Variants in SGCZ observed in about 807,000 individuals in gnomAD.
SGCZ encodes zeta-sarcoglycan.
In SGCZ, 40 loss-of-function variants were observed where a neutral mutation model predicts 41.3. That is an observed-to-expected ratio of 0.97 (90% CI 0.75 to 1.26). The LOEUF (loss-of-function observed/expected upper bound fraction) is 1.26. Ranked by LOEUF, SGCZ falls within the 50% of genes most tolerant of loss-of-function variation. The pLI is 0.00. For missense variants in SGCZ, 552 were observed against 369.8 expected (o/e 1.49, Z -4.04); for synonymous variants, 206 against 137.5 (o/e 1.50, Z -3.49).
intron 2 of SGCZ, among the ~76,000 whole-genome samples, chr8:14,513,404 T>C (rs1027955414): frequency 3.4e-4 from 51 of 149,996 alleles, no homozygotes; most frequent in Non-Finnish European, 1.0e-4. Flanking sequence ...AGAAAAATTG[T>C]TTTCAAAGAC....
intron 3 of SGCZ, among the ~76,000 whole-genome samples, chr8:14,288,397 C>T (rs544383939): frequency 1.1e-4 from 16 of 152,130 alleles, no homozygotes; most frequent in African/African-American, 3.6e-4. Flanking sequence ...TTCAGCATTC[C>T]AAAAGGATAT....
chr8:14,238,753 G>C (rs1422833009), intron 3 of SGCZ, among the ~76,000 whole-genome samples: 1 of 151,720 alleles, frequency 6.6e-6, no homozygotes, highest in Admixed American at 6.6e-5. Flanking sequence ...TTCTGGGGGG[G>C]GACATTTCGG....
At chr8:14,200,163 C>T (rs539026963) in intron 4 of SGCZ, among the ~76,000 whole-genome samples, 1 of 152,102 alleles carries the variant, frequency 6.6e-6, no homozygotes, top group African/African-American at 2.4e-5. Flanking sequence ...TAAATACATA[C>T]AAATTCTGTA....
chr8:14,739,749 G>A (rs924126298), intron 1 of SGCZ, among the ~76,000 whole-genome samples: 13 of 151,928 alleles, frequency 8.6e-5, no homozygotes, highest in Admixed American at 5.9e-4. Context: ...GAGTCACAAC[G>A]TTAAAAGGAA....
chr8:14,532,789 T>C (rs556808040), intron 2 of SGCZ, among the ~76,000 whole-genome samples: 47 of 151,608 alleles, frequency 3.1e-4, no homozygotes, highest in African/African-American at 9.4e-4. Flanking sequence ...TCACTTAAAT[T>C]GACTACAAAA....
chr8:15,022,219 G>A (rs925931640), intron 1 of SGCZ, among the ~76,000 whole-genome samples: 4 of 152,118 alleles, frequency 2.6e-5, no homozygotes, highest in African/African-American at 9.7e-5. Context: ...AAAAACACAT[G>A]TAATAAAAAA....
chr8:14,888,482 G>A (rs372420035), intron 1 of SGCZ, among the ~76,000 whole-genome samples: 1 of 152,048 alleles, frequency 6.6e-6, no homozygotes, highest in Admixed American at 6.5e-5. Flanking sequence ...AAAGAATATA[G>A]AAAGAAAGTA....
At chr8:14,284,390 T>C (rs2116926603) in intron 3 of SGCZ, among the ~76,000 whole-genome samples, 1 of 152,360 alleles carries the variant, frequency 6.6e-6, no homozygotes, top group Middle Eastern at 3.4e-3. Flanking sequence ...AGACATTATC[T>C]CACACAAACA....
chr8:14,461,209 T>C (rs1014667102), intron 2 of SGCZ, among the ~76,000 whole-genome samples: 1 of 152,096 alleles, frequency 6.6e-6, no homozygotes, highest in African/African-American at 2.4e-5. Context: ...CTTCCCTCAA[T>C]AGTGATAACT....
chr8:14,150,534 G>A (rs1447002933), intron 5 of SGCZ, among the ~76,000 whole-genome samples: 1 of 152,084 alleles, frequency 6.6e-6, no homozygotes, highest in Admixed American at 6.6e-5. Flanking sequence ...ATGCTGGTGA[G>A]GATGCAGAGA....
intron 5 of SGCZ, among the ~76,000 whole-genome samples, chr8:14,121,542 T>C (rs1802696308): frequency 6.6e-6 from 1 of 152,196 alleles, no homozygotes; most frequent in Admixed American, 6.5e-5. Flanking sequence ...TTTTTTGGTA[T>C]TGCCGTTATT....
chr8:14,739,673 G>T (rs1382472171), intron 1 of SGCZ, among the ~76,000 whole-genome samples: 1 of 151,924 alleles, frequency 6.6e-6, no homozygotes, highest in East Asian at 1.9e-4. Context: ...CAGCCATGAG[G>T]TAATAAGTAA....
intron 3 of SGCZ, among the ~76,000 whole-genome samples, chr8:14,292,550 G>A (rs1017569215): frequency 3.3e-5 from 5 of 152,038 alleles, no homozygotes; most frequent in African/African-American, 4.8e-5. Flanking sequence ...TGCTGTTGAC[G>A]ATGGAAAAGG....
At chr8:14,210,654 ACGGGGTTTCATC>A (rs1805774053) in intron 4 of SGCZ, among the ~76,000 whole-genome samples, 1 of 151,290 alleles carries the variant, frequency 6.6e-6, no homozygotes, top group African/African-American at 2.4e-5. Context: ...TTTAGTAGAG[ACGGGGTTTCATC>A]ATGTTGGCCA....
At chr8:14,445,729 G>A (rs1404230989) in intron 2 of SGCZ, among the ~76,000 whole-genome samples, 2 of 152,122 alleles carry the variant, frequency 1.3e-5, no homozygotes, top group Non-Finnish European at 2.9e-5. Context: ...ACTGGCAGAG[G>A]GCAGCCTCCC....
intron 1 of SGCZ, among the ~76,000 whole-genome samples, chr8:15,157,320 C>G (rs1471516292): frequency 3.9e-5 from 6 of 151,936 alleles, no homozygotes; most frequent in Non-Finnish European, 7.4e-5. Flanking sequence ...AACACTTGAC[C>G]CCAGGAGCCC....
chr8:14,217,675 G>C lies in SGCZ; in HGVS notation c.424+19917C>G, dbSNP rs556447709. ...TTGAGACAGAGTCTCTGTCACCCAG[G>C]CTGGAGTGCAGCGGTGTGATCTCGG... is the stretch of plus-strand genomic sequence containing the variant. On this transcript the variant is annotated intron_variant, in intron 4 of 7. Transcript: ENST00000382080. Among the ~76,000 whole-genome samples, 135 of 135,656 alleles carry C rather than the reference G, an allele frequency of 1.0e-3. 1 individual carries two copies. Among genetic ancestry groups the C allele is most frequent in the African/African-American group, 3.5e-3 (131 of 37,184 alleles). 89.0% of individuals were successfully genotyped at this position (135,656 alleles called of 152,430 possible).
intron 1 of SGCZ, among the ~76,000 whole-genome samples, chr8:14,931,640 C>A (rs997966334): frequency 1.3e-5 from 2 of 151,888 alleles, no homozygotes; most frequent in African/African-American, 4.8e-5. Context: ...AGATATTATA[C>A]TGAAAAGATT....
At chr8:14,779,194 T>C (rs1005439920) in intron 1 of SGCZ, among the ~76,000 whole-genome samples, 2 of 152,222 alleles carry the variant, frequency 1.3e-5, no homozygotes, top group African/African-American at 4.8e-5. Context: ...ATATAACCAA[T>C]AGATTATGGC....
Sources: allele counts gnomAD v4.1 joint callset (sites outside exome capture counted in the v4.1 genomes callset), GRCh38; gene constraint gnomAD v4.1.1; transcripts MANE v1.5; gene names NCBI Gene and HGNC (gene_info 2026-07-23, HGNC 2026-07-21).